TDRD3: variants seen among roughly 807,000 people sequenced by gnomAD.
TDRD3 encodes the protein tudor domain-containing protein 3.
A neutral mutation model predicts 86.7 loss-of-function variants in TDRD3; 45 were observed. The observed-to-expected ratio is 0.52, with a 90% confidence interval of 0.41 to 0.67. The LOEUF (loss-of-function observed/expected upper bound fraction) is 0.67, where lower values mean the gene tolerates loss of function less well. TDRD3 is among the 30% of genes least tolerant of loss of function. The pLI, the probability that TDRD3 is intolerant of heterozygous loss-of-function variation, is 0.00. For synonymous variants in TDRD3, 298 were observed against 301.7 expected (o/e 0.99, Z 0.13); for missense variants, 814 against 889.0 (o/e 0.92, Z 1.07).
chr13:60,397,488 G>C, intron 1 of TDRD3, 83 bp downstream of exon 1: 2 of 1,220,848 alleles, frequency 1.6e-6, no homozygotes, highest in Middle Eastern at 3.0e-4. Flanking sequence ...GGCGGGGTGC[G>C]TGTCGGGGTA....
intron 1 of TDRD3, among the ~76,000 whole-genome samples, chr13:60,411,864 A>G (rs1455020972): frequency 6.6e-6 from 1 of 152,178 alleles, no homozygotes; most frequent in African/African-American, 2.4e-5. Flanking sequence ...TCTTTTGCAC[A>G]TTAAGGTTTG....
chr13:60,413,385 A>G (rs763760810), intron 1 of TDRD3, among the ~76,000 whole-genome samples: 59 of 152,192 alleles, frequency 3.9e-4, no homozygotes, highest in Non-Finnish European at 7.5e-4. Context: ...TTGAAGACCA[A>G]TTCTCCTGAG....
At chr13:60,460,741 A>T in intron 4 of TDRD3, 1 of 430,268 alleles carries the variant, frequency 2.3e-6, no homozygotes, top group Non-Finnish European at 3.8e-6. Flanking sequence ...GTGGTGGCTC[A>T]AGCCTGTAAT....
chr13:60,510,494 A>T, intron 9 of TDRD3, 136 bp from the exon 10 acceptor site: 1 of 929,116 alleles, frequency 1.1e-6, no homozygotes, highest in Non-Finnish European at 1.4e-6. Context: ...AAAATTACTT[A>T]AAAGATGTAG....
At chr13:60,511,220 G>A (rs899435766) in intron 10 of TDRD3, among the ~76,000 whole-genome samples, 1 of 152,078 alleles carries the variant, frequency 6.6e-6, no homozygotes, top group Non-Finnish European at 1.5e-5. Context: ...AGTAAGTATG[G>A]TAAATATGCA....
chr13:60,532,123 AAAATT>A (rs1490173741), intron 11 of TDRD3, among the ~76,000 whole-genome samples: 2 of 152,304 alleles, frequency 1.3e-5, no homozygotes, highest in Non-Finnish European at 2.9e-5. Context: ...CTGTGGTGAA[AAAATT>A]AAATTAAAAA....
intron 5 of TDRD3, among the ~76,000 whole-genome samples, chr13:60,472,476 A>AAAAC (rs1246300071): frequency 6.6e-6 from 1 of 152,180 alleles, no homozygotes; most frequent in Admixed American, 6.5e-5. Context: ...TGTCTACTGT[A>AAAAC]AAACAAACAA....
In TDRD3 at chr13:60,489,698, G is replaced by A. The variant is rs17058186; in HGVS notation, c.717+3750G>A. Among the ~76,000 whole-genome samples, 1,407 of 152,014 alleles carry A rather than the reference G, an allele frequency of 9.3e-3. 20 individuals carry two copies. The highest frequency in any genetic ancestry group is 0.032 in the African/African-American group (1,311 of 41,470). ...AAAGCTCTCAGTAAACACGACTATT[G>A]CTATTCTTTACTTTTTCCTCTACAA... On this transcript the variant is annotated intron_variant, in intron 7 of 13. Transcript: ENST00000377881.
chr13:60,456,375 T>C (rs906201692), intron 3 of TDRD3, among the ~76,000 whole-genome samples: 4 of 152,194 alleles, frequency 2.6e-5, no homozygotes, highest in African/African-American at 9.7e-5. Context: ...GAAGAAGGAA[T>C]GATGCCTGGA....
Position 60,509,760 on chromosome 13 carries a change from C to A in TDRD3, c.859-3C>A. 1 of 1,613,398 alleles carries A rather than the reference C, an allele frequency of 6.2e-7. No homozygotes were observed. The highest frequency in any genetic ancestry group is 8.5e-7 in the Non-Finnish European group (1 of 1,179,488). Reference sequence around the variant, plus strand: ...AGCCAGCTTTTCTCTTTATTCCTTCCAGGTTGATGAGAAAGCTCTGAAGCA... The same window carrying A: ...AGCCAGCTTTTCTCTTTATTCCTTCAAGGTTGATGAGAAAGCTCTGAAGCA... On this transcript the variant is annotated splice_region_variant and splice_polypyrimidine_tract_variant and intron_variant, in intron 8 of 13. Coordinates refer to ENST00000377881, the MANE Select transcript of TDRD3 (RefSeq NM_001146070.2).
chr13:60,540,924 A>G (rs1039414995), intron 12 of TDRD3, among the ~76,000 whole-genome samples: 2 of 152,144 alleles, frequency 1.3e-5, no homozygotes, highest in Non-Finnish European at 2.9e-5. Context: ...TACCTAACAC[A>G]TGCCGTCACT....
intron 10 of TDRD3, among the ~76,000 whole-genome samples, chr13:60,523,197 A>T (rs1439126732): frequency 6.6e-6 from 1 of 152,156 alleles, no homozygotes; most frequent in Non-Finnish European, 1.5e-5. Context: ...AACAAATTCT[A>T]CCTGATTTTC....
At chr13:60,545,929 T>G (rs1016399366) in intron 12 of TDRD3, among the ~76,000 whole-genome samples, 2 of 152,088 alleles carry the variant, frequency 1.3e-5, no homozygotes, top group African/African-American at 4.8e-5. Context: ...TCCTCCTCAT[T>G]CTCCTCCTCT....
intron 1 of TDRD3, among the ~76,000 whole-genome samples, chr13:60,419,935 C>T (rs1485097656): frequency 6.6e-6 from 1 of 151,308 alleles, no homozygotes; most frequent in Non-Finnish European, 1.5e-5. Context: ...TAATGTTTTT[C>T]CTATAAGTAA....
In TDRD3 at chr13:60,545,828, C is replaced by G. The variant is rs969308015; in HGVS notation, c.2118+10595C>G. ...GGGGTTGAGAGTATTGGTACTTACT[C>G]TAAATTTTCAGTCTATTTTAGGTGA... On this transcript the variant is annotated intron_variant, in intron 12 of 13. Transcript: ENST00000377881. 6.6e-5 allele frequency among the ~76,000 whole-genome samples: 10 copies of G among 152,052 alleles called. No homozygotes were observed. The South Asian group carries it at 8.3e-4, about 13-fold the overall frequency.
intron 13 of TDRD3, among the ~76,000 whole-genome samples, chr13:60,570,805 C>T (rs1164026412): frequency 6.8e-6 from 1 of 146,976 alleles, no homozygotes; most frequent in African/African-American, 2.6e-5. Context: ...TCCCCTTGAC[C>T]CCTTCTTTAG....
At chr13:60,565,431 A>C (rs1022230287) in intron 12 of TDRD3, among the ~76,000 whole-genome samples, 1 of 152,170 alleles carries the variant, frequency 6.6e-6, no homozygotes, top group East Asian at 1.9e-4. Flanking sequence ...GAGTTACGTG[A>C]AAGAAATCTC....
At chr13:60,493,731 C>T (rs568429850) in intron 7 of TDRD3, among the ~76,000 whole-genome samples, 41 of 152,200 alleles carry the variant, frequency 2.7e-4, no homozygotes, top group Middle Eastern at 3.4e-3. Context: ...TAACAACTGG[C>T]GATGCTTTTC....
At chr13:60,450,261 C>A (rs1955505818) in intron 3 of TDRD3, among the ~76,000 whole-genome samples, 3 of 152,134 alleles carry the variant, frequency 2.0e-5, no homozygotes. Flanking sequence ...TGTGACCCTT[C>A]TCTTCTAATT....
Sources: gnomAD v4.1 joint callset for allele counts (sites outside exome capture counted in the v4.1 genomes callset) on GRCh38, gnomAD v4.1.1 for gene constraint, MANE v1.5 for transcripts, NCBI Gene and HGNC (gene_info 2026-07-23, HGNC 2026-07-21) for gene names.